Variants in ZRSR2 observed in about 807,000 individuals in gnomAD.
The protein encoded by ZRSR2 is U2 small nuclear ribonucleoprotein auxiliary factor 35 kDa subunit-related protein 2.
Under a neutral mutation model 39.4 loss-of-function variants are expected in ZRSR2, and 3 were observed. The ratio of observed to expected loss-of-function variants is 0.08; its 90% CI spans 0.03 to 0.20. The LOEUF is 0.20. Ranked by LOEUF, ZRSR2 falls within the 10% of genes least tolerant of loss-of-function variation. ZRSR2 has a pLI of 1.00. For synonymous variants in ZRSR2, 137 were observed against 136.0 expected (o/e 1.01, Z -0.05); for missense variants, 256 against 391.5 (o/e 0.65, Z 2.92).
At chrX:15,799,440 A>G (rs1342005251) in intron 2 of ZRSR2, among the ~76,000 whole-genome samples, 3 of 103,899 alleles carry the variant, frequency 2.9e-5, no homozygotes, top group African/African-American at 1.1e-4. Flanking sequence ...GTTCCCTTCC[A>G]CACCCCCACC....
At chrX:15,790,566 G>C (rs761188008) in intron 1 of ZRSR2, 30 bp downstream of exon 1, 321 of 1,156,789 alleles carry the variant, frequency 2.8e-4, no homozygotes, top group Non-Finnish European at 3.3e-4. Flanking sequence ...ATGAGCAGGC[G>C]AGCGGGCCGA....
At chrX:15,812,056 A>G (rs1233609831) in intron 7 of ZRSR2, among the ~76,000 whole-genome samples, 1 of 110,654 alleles carries the variant, frequency 9.0e-6, no homozygotes, top group Non-Finnish European at 1.9e-5. Context: ...CAGCCTCCCG[A>G]GTAGCTGGGA....
At chrX:15,798,486 A>G (rs1337229607) in intron 2 of ZRSR2, among the ~76,000 whole-genome samples, 1 of 112,133 alleles carries the variant, frequency 8.9e-6, no homozygotes, top group African/African-American at 3.2e-5. Flanking sequence ...AAAGAGATAC[A>G]TACATAGAAC....
chrX:15,791,546 A>G (rs1289905929), intron 2 of ZRSR2, among the ~76,000 whole-genome samples: 4 of 111,090 alleles, frequency 3.6e-5, no homozygotes, highest in Admixed American at 2.9e-4. Flanking sequence ...CACGGCTCAC[A>G]GCAGCCTCCA....
chrX:15,790,690 C>T (rs189665248), intron 1 of ZRSR2, among the ~76,000 whole-genome samples, 154 bp downstream of exon 1: 518 of 112,091 alleles, frequency 4.6e-3, no homozygotes, highest in Non-Finnish European at 6.6e-3. Context: ...CCTCCCCGGA[C>T]TTGCACGGGC....
intron 5 of ZRSR2, 144 bp downstream of exon 5, chrX:15,804,341 C>T (rs1321087474): frequency 3.2e-6 from 3 of 930,438 alleles, no homozygotes; most frequent in Non-Finnish European, 4.3e-6. Flanking sequence ...GACATAACAC[C>T]AGAGTTCCCT....
At chrX:15,792,917 G>A in intron 2 of ZRSR2, among the ~76,000 whole-genome samples, 1 of 112,137 alleles carries the variant, frequency 8.9e-6, no homozygotes, top group Middle Eastern at 4.6e-3. Context: ...GAGAAACATA[G>A]CCATAGAGGT....
intron 7 of ZRSR2, among the ~76,000 whole-genome samples, chrX:15,810,853 TA>T (rs753240299): frequency 2.5e-4 from 23 of 92,829 alleles, no homozygotes; most frequent in South Asian, 4.6e-4. Context: ...CTGGTATCTA[TA>T]AAAAAAAAAA....
chrX:15,803,620 C>T, intron 3 of ZRSR2, 68 bp from the exon 4 acceptor site: 1 of 1,118,471 alleles, frequency 8.9e-7, no homozygotes, highest in Non-Finnish European at 1.2e-6. Context: ...TCATTTTGCT[C>T]TCGTGTGTGT....
intron 7 of ZRSR2, among the ~76,000 whole-genome samples, chrX:15,813,638 T>C (rs1932917488): frequency 8.9e-6 from 1 of 112,370 alleles, no homozygotes; most frequent in Non-Finnish European, 1.9e-5. Flanking sequence ...AGGGCCAAGT[T>C]CATTCAGATC....
Position 15,809,196 on chromosome X carries a change from A to G in ZRSR2, c.439-4A>G, listed in dbSNP as rs752707569. On this transcript the variant is annotated splice_polypyrimidine_tract_variant and splice_region_variant and intron_variant, in intron 6 of 10. Coordinates refer to ENST00000307771, the MANE Select transcript of ZRSR2 (RefSeq NM_005089.4). ...ACCAGTAAAGTCATGGTTATTTTCA[A>G]CAGTTGGAAAATGGTACCACATGGC... The G allele has an allele frequency of 1.0e-5, 12 of 1,184,090 alleles. No homozygotes were observed. Among genetic ancestry groups the G allele is most frequent in the South Asian group, 3.6e-5 (2 of 56,031 alleles).
At chrX:15,812,905 T>A (rs1932907573) in intron 7 of ZRSR2, among the ~76,000 whole-genome samples, 1 of 112,471 alleles carries the variant, frequency 8.9e-6, no homozygotes, top group Admixed American at 9.4e-5. Context: ...CACCAGATTC[T>A]AAAGGTTTCT....
intron 3 of ZRSR2, among the ~76,000 whole-genome samples, chrX:15,802,540 A>T (rs1179446487): frequency 8.9e-6 from 1 of 111,751 alleles, no homozygotes; most frequent in Non-Finnish European, 1.9e-5. Flanking sequence ...GCTCATTGCA[A>T]ACTCCGCCTC....
intron 2 of ZRSR2, among the ~76,000 whole-genome samples, chrX:15,799,069 C>G (rs1601809775): frequency 9.1e-6 from 1 of 109,468 alleles, no homozygotes; most frequent in African/African-American, 3.3e-5. Context: ...GCCTGTAGTC[C>G]CAGCTACTTG....
intron 5 of ZRSR2, among the ~76,000 whole-genome samples, chrX:15,805,852 A>AT (rs200202133): frequency 5.8e-5 from 6 of 104,127 alleles, no homozygotes; most frequent in African/African-American, 2.1e-4. Context: ...AATCACTTGA[A>AT]CCGGGAGGCA....
At chrX:15,794,057 A>C (rs1414537972) in intron 2 of ZRSR2, among the ~76,000 whole-genome samples, 1 of 112,312 alleles carries the variant, frequency 8.9e-6, no homozygotes, top group Non-Finnish European at 1.9e-5. Context: ...TAAGATATTA[A>C]AAGCAAGTTG....
chrX:15,814,201 GAAGT>G (rs1050825908), intron 7 of ZRSR2, among the ~76,000 whole-genome samples: 2 of 111,719 alleles, frequency 1.8e-5, no homozygotes, highest in Non-Finnish European at 3.8e-5. Context: ...GAGAAGGAAG[GAAGT>G]AAGAAAGTAA....
chrX:15,795,278 C>G (rs1183484809), intron 2 of ZRSR2, among the ~76,000 whole-genome samples: 1 of 110,598 alleles, frequency 9.0e-6, no homozygotes, highest in East Asian at 2.8e-4. Context: ...TACACACTTT[C>G]TTGATACTCT....
chrX:15,808,521 C>T (rs1003222671), intron 6 of ZRSR2, among the ~76,000 whole-genome samples: 2 of 111,344 alleles, frequency 1.8e-5, no homozygotes, highest in African/African-American at 3.3e-5. Context: ...CATCACATAC[C>T]GTTAGCCTCC....
Sources: allele counts gnomAD v4.1 joint callset (sites outside exome capture counted in the v4.1 genomes callset), GRCh38; gene constraint gnomAD v4.1.1; transcripts MANE v1.5; gene names NCBI Gene and HGNC (gene_info 2026-07-23, HGNC 2026-07-21).